The following MTSS1 variants were observed in gnomAD, a reference collection of about 807,000 sequenced individuals.
MTSS1 encodes MTSS I-BAR domain containing 1.
MTSS1 carries 18 observed loss-of-function variants against 79.0 expected under a neutral mutation model. That is an observed-to-expected ratio of 0.23 (90% CI 0.16 to 0.34). MTSS1 has a LOEUF of 0.34. MTSS1 is among the 10% of genes least tolerant of loss of function. The probability of loss-of-function intolerance (pLI) is 1.00; values close to 1 mark genes in which losing one functional copy is unlikely to be tolerated. For missense variants in MTSS1, 815 were observed against 986.2 expected, an observed-to-expected ratio of 0.83 and a Z score of 2.33; for synonymous variants, 341 against 368.6, an observed-to-expected ratio of 0.93 and a Z score of 0.86.
intron 1 of MTSS1, among the ~76,000 whole-genome samples, chr8:124,705,199 C>A (rs1830221524): frequency 6.6e-6 from 1 of 152,154 alleles, no homozygotes; most frequent in South Asian, 2.1e-4. Context: ...GGCCGGGCGC[C>A]ATGGCTCACA....
chr8:124,722,466 G>A (rs957774324), intron 1 of MTSS1, among the ~76,000 whole-genome samples: 2 of 152,202 alleles, frequency 1.3e-5, no homozygotes, highest in African/African-American at 4.8e-5. Context: ...GTTTTTGGTT[G>A]TTCGGTTGTT....
At chr8:124,685,350 C>T (rs1365263053) in intron 3 of MTSS1, among the ~76,000 whole-genome samples, 1 of 152,148 alleles carries the variant, frequency 6.6e-6, no homozygotes, top group African/African-American at 2.4e-5. Context: ...AAGAAAGGAG[C>T]CTGGATGCAG....
chr8:124,649,594 C>T (rs1488797129), intron 3 of MTSS1, among the ~76,000 whole-genome samples: 1 of 152,150 alleles, frequency 6.6e-6, no homozygotes, highest in African/African-American at 2.4e-5. Context: ...AATTACTCCT[C>T]AAGGTGCTCC....
At chr8:124,702,041 G>C (rs1050220614) in intron 2 of MTSS1, among the ~76,000 whole-genome samples, 26 of 152,174 alleles carry the variant, frequency 1.7e-4, no homozygotes, top group African/African-American at 6.0e-4. Flanking sequence ...AGTAAGGACA[G>C]GTTAAGATTA....
Position 124,677,014 on chromosome 8 carries a change from T to G in MTSS1, c.208+22512A>C, listed in dbSNP as rs147876620. 3.3e-3 allele frequency among the ~76,000 whole-genome samples: 508 copies of G among 152,192 alleles called. 4 individuals carry two copies. The highest frequency in any genetic ancestry group is 0.012 in the South Asian group (57 of 4,810). ...ATAACAAAATTGGACTATTGAGAAT[T>G]TTAAAGGCACACAGAAAAAAAAGGG... On this transcript the variant is annotated intron_variant, in intron 3 of 13. Coordinates refer to ENST00000518547, the MANE Select transcript of MTSS1 (RefSeq NM_014751.6).
At chr8:124,613,819 C>T (rs1836323173) in intron 3 of MTSS1, among the ~76,000 whole-genome samples, 1 of 152,114 alleles carries the variant, frequency 6.6e-6, no homozygotes, top group South Asian at 2.1e-4. Flanking sequence ...TTTTGTTTTC[C>T]CTGTTGGTAA....
chr8:124,643,799 A>C (rs1818513227), intron 3 of MTSS1, among the ~76,000 whole-genome samples: 1 of 151,934 alleles, frequency 6.6e-6, no homozygotes, highest in African/African-American at 2.4e-5. Context: ...CATTGTGTCT[A>C]TAAATATTAG....
At chr8:124,692,309 C>T (rs1479562668) in intron 3 of MTSS1, among the ~76,000 whole-genome samples, 1 of 151,838 alleles carries the variant, frequency 6.6e-6, no homozygotes, top group Non-Finnish European at 1.5e-5. Context: ...GAACTTTACA[C>T]ATTATATCAA....
chr8:124,670,366 C>T (rs569026308), intron 3 of MTSS1, among the ~76,000 whole-genome samples: 3 of 151,642 alleles, frequency 2.0e-5, no homozygotes, highest in Admixed American at 6.6e-5. Context: ...AGATTACACT[C>T]AGGCGGGCGG....
chr8:124,600,951 A>C (rs1833679648), intron 3 of MTSS1, among the ~76,000 whole-genome samples: 1 of 151,718 alleles, frequency 6.6e-6, no homozygotes, highest in Non-Finnish European at 1.5e-5. Context: ...ATGAAAACCA[A>C]CTCCAGTGAG....
chr8:124,591,365 C>G (rs752967280), intron 3 of MTSS1, 130 bp from the exon 4 acceptor site: 4 of 719,634 alleles, frequency 5.6e-6, no homozygotes, highest in Non-Finnish European at 9.7e-6. Context: ...TTAGAAGCTT[C>G]TCACCATGCC....
At chr8:124,713,164 C>T (rs564060237) in intron 1 of MTSS1, among the ~76,000 whole-genome samples, 1 of 152,302 alleles carries the variant, frequency 6.6e-6, no homozygotes, top group Admixed American at 6.5e-5. Flanking sequence ...AAGTGCTCTG[C>T]AGTGGCTAGT....
intron 3 of MTSS1, among the ~76,000 whole-genome samples, chr8:124,691,072 G>A (rs971175961): frequency 3.4e-4 from 51 of 152,138 alleles, no homozygotes; most frequent in African/African-American, 1.1e-3. Context: ...TCACATGCCC[G>A]GGCCATTTTT....
At chr8:124,711,474 T>C (rs1831152875) in intron 1 of MTSS1, among the ~76,000 whole-genome samples, 1 of 152,086 alleles carries the variant, frequency 6.6e-6, no homozygotes, top group Admixed American at 6.5e-5. Flanking sequence ...TTCTGGGAAG[T>C]GCAAGTAACC....
Position 124,582,904 on chromosome 8 carries a change from A to G in MTSS1, c.460+2183T>C, listed in dbSNP as rs1018017558. 2.0e-5 allele frequency among the ~76,000 whole-genome samples: 3 copies of G among 152,248 alleles called. No homozygotes were observed. Among genetic ancestry groups the G allele is most frequent in the Non-Finnish European group, 4.4e-5 (3 of 68,036 alleles). The stretch of plus-strand genomic sequence containing the variant: ...GCCTCCTAGGAGAGCTCTCCATAAA[A>G]GATTCCAGTCCGAATGTGACTCTAG... On this transcript the variant is annotated intron_variant, in intron 6 of 13. Transcript: ENST00000518547. This position sits in a 1 kb window ranked among gnomAD's most constrained non-coding sequence, Gnocchi z 4.8.
intron 3 of MTSS1, among the ~76,000 whole-genome samples, chr8:124,649,094 T>A (rs1259381471): frequency 6.6e-6 from 1 of 152,262 alleles, no homozygotes; most frequent in Non-Finnish European, 1.5e-5. Flanking sequence ...AAACCCTAAA[T>A]CAAGAGCTGG....
rs1563842465 is a variant in MTSS1, at chr8:124,605,535, A to AGCCCTCGCACTGCCTCCCTCCCT, written c.209-14323_209-14301dup. 4.9e-4 allele frequency among the ~76,000 whole-genome samples: 66 copies of AGCCCTCGCACTGCCTCCCTCCCT among 135,718 alleles called. No homozygotes were observed. The East Asian group carries it at 7.6e-3, about 16-fold the overall frequency. The allele number at this position is 135,718 out of a possible 152,430, so 89.0% of individuals were successfully genotyped here. A position where few individuals can be genotyped will look rare whatever the true frequency, so the allele number is the denominator to read the frequency against. On this transcript the variant is annotated intron_variant, in intron 3 of 13. Coordinates refer to ENST00000518547, the MANE Select transcript of MTSS1 (RefSeq NM_014751.6). Reference sequence around the variant, plus strand: ...CTCTAAGCTGGGACTCTGCGGAGACAGCCCTCGCACTGCCTCCCTCCCTGC... The same window carrying AGCCCTCGCACTGCCTCCCTCCCT: ...CTCTAAGCTGGGACTCTGCGGAGACAGCCCTCGCACTGCCTCCCTCCCTGCCCTCGCACTGCCTCCCTCCCTGC...
intron 1 of MTSS1, among the ~76,000 whole-genome samples, chr8:124,706,647 T>C (rs1423844774): frequency 6.6e-6 from 1 of 152,238 alleles, no homozygotes. Flanking sequence ...CTTTGGCAGC[T>C]ACACCTGAGC....
At chr8:124,633,653 C>G (rs911771785) in intron 3 of MTSS1, among the ~76,000 whole-genome samples, 10 of 151,936 alleles carry the variant, frequency 6.6e-5, no homozygotes, top group African/African-American at 2.4e-4. Flanking sequence ...GCCTGTAATC[C>G]CAGCTACTCG....
Sources: allele counts gnomAD v4.1 joint callset (sites outside exome capture counted in the v4.1 genomes callset), GRCh38; gene constraint gnomAD v4.1.1; non-coding constraint Gnocchi (gnomAD v3.1); transcripts MANE v1.5; gene names NCBI Gene and HGNC (gene_info 2026-07-23, HGNC 2026-07-21).